The following CENPL variants were observed in gnomAD, a reference collection of about 807,000 sequenced individuals.
CENPL encodes the protein interphase centromere complex protein 33.
In CENPL, 20 loss-of-function variants were observed where a neutral mutation model predicts 35.2. That is an observed-to-expected ratio of 0.57 (90% CI 0.40 to 0.83). CENPL has a LOEUF of 0.83. CENPL is among the 40% of genes least tolerant of loss of function. CENPL has a pLI of 0.00. For synonymous variants in CENPL, 140 were observed against 140.6 expected (o/e 1.00, Z 0.03); for missense variants, 363 against 395.8 (o/e 0.92, Z 0.70).
At chr1:173,818,083 A>G (rs984041494) in intron 2 of CENPL, among the ~76,000 whole-genome samples, 5 of 152,160 alleles carry the variant, frequency 3.3e-5, no homozygotes, top group Non-Finnish European at 4.4e-5. Context: ...CAGCAAACCA[A>G]CATGGCACAT....
intron 4 of CENPL, among the ~76,000 whole-genome samples, 154 bp from the exon 5 acceptor site, chr1:173,803,659 C>T (rs1649963292): frequency 6.7e-6 from 1 of 150,044 alleles, no homozygotes; most frequent in Admixed American, 6.7e-5. Context: ...ATTAACAGGG[C>T]TTATCAAAAT....
chr1:173,807,198 T>C, intron 4 of CENPL, 69 bp downstream of exon 4: 1 of 1,343,714 alleles, frequency 7.4e-7, no homozygotes, highest in East Asian at 2.4e-5. Context: ...TATATCTAAT[T>C]ATTATAGTTT....
intron 2 of CENPL, among the ~76,000 whole-genome samples, chr1:173,815,432 C>A (rs1315618150): frequency 6.6e-6 from 1 of 152,152 alleles, no homozygotes; most frequent in Non-Finnish European, 1.5e-5. Context: ...ATGCAAAAAT[C>A]CTCAATAAAA....
At chr1:173,806,208 C>T (rs1297559344) in intron 4 of CENPL, among the ~76,000 whole-genome samples, 1 of 152,244 alleles carries the variant, frequency 6.6e-6, no homozygotes, top group Non-Finnish European at 1.5e-5. Context: ...TCCTTTTCAA[C>T]TGCTTGAGAA....
chr1:173,820,435 G>A (rs761999403), intron 2 of CENPL, among the ~76,000 whole-genome samples: 1 of 152,000 alleles, frequency 6.6e-6, no homozygotes, highest in Non-Finnish European at 1.5e-5. Flanking sequence ...AGGAGTGCTT[G>A]AGCCCAGGAG....
intron 5 of CENPL, 22 bp downstream of exon 5, chr1:173,802,941 T>C (rs764906766): frequency 2.6e-6 from 4 of 1,526,540 alleles, no homozygotes; most frequent in South Asian, 1.3e-5. Context: ...AAAAATTACT[T>C]AACTAGATTG....
chr1:173,824,583 A>C lies in CENPL; in HGVS notation c.-473T>G, dbSNP rs752501776. ...CTACCGGTGCGAAGCTTTCTCTCAA[A>C]TTTCCGCCCGTAGTAGGCATGGCGG... On this transcript the variant is annotated 5_prime_UTR_variant, in exon 1 of 6. Coordinates refer to ENST00000682279, the MANE Select transcript of CENPL (RefSeq NM_001387287.1). 1.3e-5 allele frequency: 2 copies of C among 154,428 alleles called. No homozygotes were observed. The highest frequency in any genetic ancestry group is 1.4e-5 in the Non-Finnish European group (1 of 69,394). The allele number at this position is 154,428 out of a possible 1,614,324, so 9.6% of individuals were successfully genotyped here.
At chr1:173,809,897 T>A (rs1242961453) in intron 3 of CENPL, among the ~76,000 whole-genome samples, 1 of 152,166 alleles carries the variant, frequency 6.6e-6, no homozygotes, top group Non-Finnish European at 1.5e-5. Flanking sequence ...AAGGAATGCT[T>A]ATACATTGTT....
Position 173,799,808 on chromosome 1 carries a change from T to C in CENPL, c.*640A>G, listed in dbSNP as rs1649591654. ...AAATCAGAAATATCCATTAGATACA[T>C]CTCATTTGAATCCTAAGAGTTTAAA... On this transcript the variant is annotated 3_prime_UTR_variant, in exon 6 of 6. Transcript: ENST00000682279. The C allele has an allele frequency of 6.6e-6, 1 of 152,224 alleles. No individual in the cohort carries two copies. Among genetic ancestry groups the C allele is most frequent in the Admixed American group, 6.5e-5 (1 of 15,278 alleles). 9.4% of individuals were successfully genotyped at this position (152,224 alleles called of 1,614,324 possible).
At chr1:173,811,010 ATTTAT>A (rs1296038858) in intron 3 of CENPL, 117 bp downstream of exon 3, 3 of 801,580 alleles carry the variant, frequency 3.7e-6, no homozygotes, top group African/African-American at 1.7e-5. Flanking sequence ...TTTCTTTCTC[ATTTAT>A]TTTATTAGCT....
chr1:173,814,234 G>A (rs915334107), intron 2 of CENPL, among the ~76,000 whole-genome samples: 1 of 151,926 alleles, frequency 6.6e-6, no homozygotes, highest in African/African-American at 2.4e-5. Flanking sequence ...AATAATAATG[G>A]GAGACTTTCA....
intron 3 of CENPL, 141 bp downstream of exon 3, chr1:173,810,991 A>G (rs1650762862): frequency 3.0e-6 from 2 of 658,528 alleles, no homozygotes; most frequent in African/African-American, 1.8e-5. Flanking sequence ...ACTGATCGTT[A>G]TGAAATTGTT....
chr1:173,821,112 T>C (rs1651901349), intron 2 of CENPL, among the ~76,000 whole-genome samples: 1 of 152,250 alleles, frequency 6.6e-6, no homozygotes, highest in Admixed American at 6.5e-5. Flanking sequence ...TTCCTTCAAA[T>C]TTGTTACTTG....
intron 2 of CENPL, among the ~76,000 whole-genome samples, chr1:173,818,426 T>A (rs900839051): frequency 6.6e-6 from 1 of 152,228 alleles, no homozygotes; most frequent in South Asian, 2.1e-4. Context: ...CTTATCTTCA[T>A]GTGTTTGCTT....
chr1:173,804,004 A>G (rs968721100), intron 4 of CENPL, among the ~76,000 whole-genome samples: 3 of 152,156 alleles, frequency 2.0e-5, no homozygotes, highest in African/African-American at 7.2e-5. Context: ...AACATGATAT[A>G]TGGCAAAATC....
intron 2 of CENPL, 101 bp from the exon 3 acceptor site, chr1:173,811,407 T>C: frequency 1.2e-6 from 1 of 819,248 alleles, no homozygotes; most frequent in Non-Finnish European, 1.9e-6. Context: ...TTTCTCTTTC[T>C]GTCTTTTCCC....
intron 2 of CENPL, among the ~76,000 whole-genome samples, chr1:173,814,002 G>C (rs915774744): frequency 6.6e-6 from 1 of 151,678 alleles, no homozygotes; most frequent in African/African-American, 2.4e-5. Flanking sequence ...CAAATGGAAA[G>C]CAAAAAAAAG....
chr1:173,820,277 A>G (rs186035576), intron 2 of CENPL, among the ~76,000 whole-genome samples: 1 of 152,220 alleles, frequency 6.6e-6, no homozygotes, highest in African/African-American at 2.4e-5. Flanking sequence ...ATGTTAGACT[A>G]GGACACCATT....
At chr1:173,814,345 T>A (rs1651146926) in intron 2 of CENPL, among the ~76,000 whole-genome samples, 1 of 152,170 alleles carries the variant, frequency 6.6e-6, no homozygotes, top group Admixed American at 6.5e-5. Context: ...AATAGACATC[T>A]ACATAACTCT....
Sources: allele counts gnomAD v4.1 joint callset (sites outside exome capture counted in the v4.1 genomes callset), GRCh38; gene constraint gnomAD v4.1.1; transcripts MANE v1.5; gene names NCBI Gene and HGNC (gene_info 2026-07-23, HGNC 2026-07-21).